Variants in MEIKIN observed in about 807,000 individuals in gnomAD.
MEIKIN encodes meiosis-specific kinetochore protein.
At chr5:131,820,930 CTTTG>C (rs1294681118) in intron 11 of MEIKIN, among the ~76,000 whole-genome samples, 6 of 151,966 alleles carry the variant, frequency 3.9e-5, no homozygotes, top group Admixed American at 1.3e-4. Context: ...GATTTGTCAA[CTTTG>C]TTTATCTTTT....
chr5:131,895,817 T>A (rs960045265), intron 8 of MEIKIN, among the ~76,000 whole-genome samples: 7 of 152,222 alleles, frequency 4.6e-5, no homozygotes, highest in African/African-American at 1.7e-4. Flanking sequence ...ATCAATTTTG[T>A]TGATCTTTTC....
intron 10 of MEIKIN, among the ~76,000 whole-genome samples, chr5:131,853,003 T>A (rs574340960): frequency 6.6e-6 from 1 of 152,280 alleles, no homozygotes; most frequent in East Asian, 1.9e-4. Context: ...CTGGAAAGAC[T>A]GTGAGCAGAG....
intron 9 of MEIKIN, among the ~76,000 whole-genome samples, chr5:131,862,323 G>A (rs1254455599): frequency 6.6e-6 from 1 of 151,802 alleles, no homozygotes; most frequent in African/African-American, 2.4e-5. Flanking sequence ...TTGTTTATTT[G>A]GGTCTCCTCT....
intron 8 of MEIKIN, among the ~76,000 whole-genome samples, chr5:131,895,769 TTCTC>T (rs1330088284): frequency 1.3e-5 from 2 of 152,198 alleles, no homozygotes; most frequent in Non-Finnish European, 2.9e-5. Flanking sequence ...TATTTGATTC[TTCTC>T]TCTTTTATTC....
intron 9 of MEIKIN, among the ~76,000 whole-genome samples, chr5:131,873,154 AC>A (rs1470032430): frequency 2.0e-5 from 3 of 152,222 alleles, no homozygotes; most frequent in Admixed American, 6.5e-5. Flanking sequence ...AACAATATTA[AC>A]TTTGAATGTA....
At chr5:131,857,075 T>TA (rs1411997754) in intron 9 of MEIKIN, among the ~76,000 whole-genome samples, 1 of 152,094 alleles carries the variant, frequency 6.6e-6, no homozygotes, top group African/African-American at 2.4e-5. Context: ...TCATTTAACA[T>TA]AAAAGCAGAC....
At chr5:131,928,016 C>T (rs1013211308) in intron 5 of MEIKIN, among the ~76,000 whole-genome samples, 5 of 151,718 alleles carry the variant, frequency 3.3e-5, no homozygotes, top group South Asian at 2.1e-4. Context: ...CGGTGGCGCG[C>T]GCCTGTAGTC....
intron 9 of MEIKIN, among the ~76,000 whole-genome samples, chr5:131,861,115 G>A (rs1390653327): frequency 6.6e-6 from 1 of 151,934 alleles, no homozygotes; most frequent in Non-Finnish European, 1.5e-5. Flanking sequence ...AATAGGCCAA[G>A]TGCAGTGGTT....
intron 12 of MEIKIN, among the ~76,000 whole-genome samples, chr5:131,809,829 A>C (rs200592520): frequency 9.5e-4 from 145 of 151,922 alleles, no homozygotes; most frequent in African/African-American, 3.3e-3. Flanking sequence ...CAAAAAAAAA[A>C]AAACAAACAA....
chr5:131,825,263 C>CA, intron 11 of MEIKIN, among the ~76,000 whole-genome samples: 1 of 152,130 alleles, frequency 6.6e-6, no homozygotes, highest in Non-Finnish European at 1.5e-5. Context: ...ACACCCCAAA[C>CA]AAAGAGACCT....
At chr5:131,911,045 A>G (rs1189177153) in intron 8 of MEIKIN, among the ~76,000 whole-genome samples, 1 of 152,052 alleles carries the variant, frequency 6.6e-6, no homozygotes, top group Admixed American at 6.6e-5. Flanking sequence ...CCTTCTTCCA[A>G]TGCTAACCCT....
intron 3 of MEIKIN, among the ~76,000 whole-genome samples, chr5:131,943,104 G>A (rs1439772757): frequency 6.6e-6 from 1 of 151,722 alleles, no homozygotes; most frequent in East Asian, 1.9e-4. Flanking sequence ...AAACAAATAT[G>A]GAAATATTGG....
intron 9 of MEIKIN, among the ~76,000 whole-genome samples, chr5:131,878,731 C>T (rs1414185790): frequency 6.6e-6 from 1 of 151,728 alleles, no homozygotes; most frequent in Non-Finnish European, 1.5e-5. Context: ...ATTAGCTTGG[C>T]GTGGTAGTGC....
At chr5:131,859,611 A>G (rs1464535570) in intron 9 of MEIKIN, among the ~76,000 whole-genome samples, 2 of 152,190 alleles carry the variant, frequency 1.3e-5, no homozygotes, top group African/African-American at 4.8e-5. Flanking sequence ...CCTCCCCAGA[A>G]GCAGATGCTG....
rs550284633 is a variant in MEIKIN at position 131,894,246 on chromosome 5, CCATTGGTCTACATGTCTGTTT to C, written c.704-15219_704-15199del. Among the ~76,000 whole-genome samples the C allele has an allele frequency of 3.3e-3, 499 of 152,250 alleles. 1 individual carries two copies. The highest frequency in any genetic ancestry group is 6.8e-3 in the Middle Eastern group (2 of 294). ...TTATTTCTGAGGCCTCTGTTCTGTT[CCATTGGTCTACATGTCTGTTT>C]TGGTACCAGTACCACACTGTTTTGG... On this transcript the variant is annotated intron_variant, in intron 8 of 12. Transcript: ENST00000442687.
At chr5:131,875,524 G>C (rs559965200) in intron 9 of MEIKIN, among the ~76,000 whole-genome samples, 83 of 152,056 alleles carry the variant, frequency 5.5e-4, no homozygotes, top group African/African-American at 1.7e-3. Flanking sequence ...AACATTCCAT[G>C]CTCATGGGTA....
chr5:131,865,043 C>A (rs1035090387), intron 9 of MEIKIN, among the ~76,000 whole-genome samples: 1 of 151,994 alleles, frequency 6.6e-6, no homozygotes, highest in Admixed American at 6.6e-5. Flanking sequence ...TTCAATGAAA[C>A]CTTCATTTCC....
intron 11 of MEIKIN, among the ~76,000 whole-genome samples, chr5:131,843,160 C>G (rs2149612128): frequency 6.6e-6 from 1 of 152,364 alleles, no homozygotes; most frequent in Non-Finnish European, 1.5e-5. Context: ...CTGCACAGAG[C>G]AGCAAGGCCC....
chr5:131,876,442 T>G (rs1304477839), intron 9 of MEIKIN, among the ~76,000 whole-genome samples: 1 of 149,542 alleles, frequency 6.7e-6, no homozygotes, highest in Non-Finnish European at 1.5e-5. Context: ...AAAACCACAA[T>G]GAGATACCAT....
Sources: allele counts gnomAD v4.1 joint callset (sites outside exome capture counted in the v4.1 genomes callset), GRCh38; gene constraint gnomAD v4.1.1; transcripts MANE v1.5; gene names NCBI Gene and HGNC (gene_info 2026-07-23, HGNC 2026-07-21).